Variants in ROR1 observed in about 807,000 individuals in gnomAD.
The protein encoded by ROR1 is ROR family WNT receptor 1.
ROR1 carries 19 observed loss-of-function variants against 78.8 expected under a neutral mutation model. The ratio of observed to expected loss-of-function variants is 0.24; its 90% confidence interval spans 0.17 to 0.35. The LOEUF is 0.35. Ranked by LOEUF, ROR1 falls within the 10% of genes least tolerant of loss-of-function variation. The pLI is 1.00. For synonymous variants in ROR1, 386 were observed against 433.6 expected, an observed-to-expected ratio of 0.89 and a Z score of 1.36; for missense variants, 917 against 1,177.8, an observed-to-expected ratio of 0.78 and a Z score of 3.24.
chr1:64,139,075 G>A (rs1453033294), intron 5 of ROR1, among the ~76,000 whole-genome samples: 2 of 147,066 alleles, frequency 1.4e-5, no homozygotes, highest in African/African-American at 5.0e-5. Flanking sequence ...GCTGAGGCAT[G>A]AGAATCCCTT....
intron 8 of ROR1, among the ~76,000 whole-genome samples, chr1:64,167,413 C>T (rs777378192): frequency 4.4e-4 from 67 of 152,298 alleles, no homozygotes; most frequent in South Asian, 8.3e-4. Flanking sequence ...TGCAGCTGAA[C>T]TCCAAGCAAG....
chr1:63,828,556 A>C (rs749269026), intron 1 of ROR1, among the ~76,000 whole-genome samples: 2 of 152,174 alleles, frequency 1.3e-5, no homozygotes, highest in African/African-American at 2.4e-5. Flanking sequence ...GAAGGTTTGC[A>C]AAGCAGTTTT....
chr1:63,905,667 T>C (rs763694360), intron 1 of ROR1, among the ~76,000 whole-genome samples: 3 of 152,206 alleles, frequency 2.0e-5, no homozygotes, highest in Non-Finnish European at 4.4e-5. Context: ...TGGCAAAGCA[T>C]ACATGGTAAT....
intron 4 of ROR1, among the ~76,000 whole-genome samples, chr1:64,063,693 A>G (rs575361476): frequency 3.9e-5 from 6 of 152,044 alleles, no homozygotes; most frequent in South Asian, 4.2e-4. Context: ...ATGCTCCAGA[A>G]GCAACAACAG....
chr1:64,001,327 T>C (rs1646381178), intron 1 of ROR1, among the ~76,000 whole-genome samples: 2 of 152,254 alleles, frequency 1.3e-5, no homozygotes, highest in Admixed American at 1.3e-4. Flanking sequence ...TGGTTGCCAG[T>C]GGTCAGGAAT....
At chr1:63,799,031 A>G (rs1213262365) in intron 1 of ROR1, among the ~76,000 whole-genome samples, 3 of 152,156 alleles carry the variant, frequency 2.0e-5, no homozygotes, top group African/African-American at 7.2e-5. Flanking sequence ...CTTCCCCAGC[A>G]TCATCATTTA....
intron 2 of ROR1, among the ~76,000 whole-genome samples, chr1:64,015,699 G>T (rs1646515684): frequency 1.3e-5 from 2 of 152,116 alleles, no homozygotes; most frequent in South Asian, 4.1e-4. Flanking sequence ...TTGGCACGTG[G>T]CAAGCTGATG....
chr1:63,945,878 A>G (rs925114967), intron 1 of ROR1, among the ~76,000 whole-genome samples: 2 of 152,252 alleles, frequency 1.3e-5, no homozygotes, highest in Admixed American at 6.5e-5. Context: ...TCTAGCTGCA[A>G]CATGGTGCTA....
At chr1:64,139,187 A>G (rs1333842395) in intron 5 of ROR1, among the ~76,000 whole-genome samples, 1 of 151,578 alleles carries the variant, frequency 6.6e-6, no homozygotes, top group Admixed American at 6.6e-5. Context: ...AAAAAAAAAA[A>G]AAAAGTGGAA....
intron 1 of ROR1, among the ~76,000 whole-genome samples, chr1:63,864,571 C>G (rs1449630893): frequency 2.6e-5 from 4 of 152,146 alleles, no homozygotes; most frequent in Non-Finnish European, 1.5e-5. Flanking sequence ...AGCCTCTACT[C>G]TGTCACTGGC....
At chr1:64,158,288 T>A (rs1649833691) in intron 7 of ROR1, among the ~76,000 whole-genome samples, 1 of 152,232 alleles carries the variant, frequency 6.6e-6, no homozygotes, top group Admixed American at 6.5e-5. Context: ...GATTATACAG[T>A]GCTGCCATGC....
chr1:63,800,689 T>C (rs1267872519), intron 1 of ROR1, among the ~76,000 whole-genome samples: 2 of 152,210 alleles, frequency 1.3e-5, no homozygotes, highest in Non-Finnish European at 2.9e-5. Flanking sequence ...TCAGATGTGC[T>C]CCAGACTTAC....
At chr1:63,799,756 C>A (rs1644784497) in intron 1 of ROR1, among the ~76,000 whole-genome samples, 1 of 151,632 alleles carries the variant, frequency 6.6e-6, no homozygotes, top group African/African-American at 2.4e-5. Flanking sequence ...GTGTTTAATT[C>A]TCATGTATAT....
At chr1:63,918,414 G>A (rs1645627052) in intron 1 of ROR1, among the ~76,000 whole-genome samples, 1 of 152,114 alleles carries the variant, frequency 6.6e-6, no homozygotes, top group African/African-American at 2.4e-5. Context: ...GAATTTGAAC[G>A]CAGGTCTGTC....
intron 4 of ROR1, among the ~76,000 whole-genome samples, chr1:64,132,760 CAAAAAAAAA>C (rs749607703): frequency 7.1e-5 from 5 of 70,460 alleles, no homozygotes; most frequent in East Asian, 5.1e-4. Flanking sequence ...GACTCCATCT[CAAAAAAAAA>C]AAAAAAAAAA....
chr1:63,871,163 T>TATCA (rs1213657943), intron 1 of ROR1, among the ~76,000 whole-genome samples: 1 of 152,228 alleles, frequency 6.6e-6, no homozygotes, highest in Non-Finnish European at 1.5e-5. Context: ...TCCAGACTGA[T>TATCA]GTCTCCGAAC....
intron 8 of ROR1, among the ~76,000 whole-genome samples, chr1:64,159,872 A>T (rs1270774423): frequency 6.6e-6 from 1 of 152,128 alleles, no homozygotes; most frequent in African/African-American, 2.4e-5. Context: ...TCAACGTTTG[A>T]GTTGCTCGAG....
chr1:63,878,038 G>A (rs982052789), intron 1 of ROR1, among the ~76,000 whole-genome samples: 6 of 152,096 alleles, frequency 3.9e-5, no homozygotes, highest in African/African-American at 1.2e-4. Flanking sequence ...TTCCTTCAAG[G>A]ACCTCTCCGG....
intron 4 of ROR1, among the ~76,000 whole-genome samples, chr1:64,098,784 A>T (rs2100653901): frequency 6.6e-6 from 1 of 152,308 alleles, no homozygotes; most frequent in East Asian, 1.9e-4. Context: ...ATTGATAAAG[A>T]ACTGAAATAG....
Sources: gnomAD v4.1 joint callset for allele counts (sites outside exome capture counted in the v4.1 genomes callset) on GRCh38, gnomAD v4.1.1 for gene constraint, MANE v1.5 for transcripts, NCBI Gene and HGNC (gene_info 2026-07-23, HGNC 2026-07-21) for gene names.